The following WDR43 variants were observed in gnomAD, a reference collection of about 807,000 sequenced individuals.
The protein encoded by WDR43 is WD repeat domain 43, also known as WD repeat-containing protein 43.
In WDR43, 13 loss-of-function variants were observed where a neutral mutation model predicts 91.4. The ratio of observed to expected loss-of-function variants is 0.14; its 90% CI spans 0.09 to 0.23. The LOEUF (loss-of-function observed/expected upper bound fraction) is 0.23. Ranked by LOEUF, WDR43 falls within the 10% of genes least tolerant of loss-of-function variation. The pLI is 1.00. For missense variants in WDR43, 780 were observed against 809.4 expected (o/e 0.96, Z 0.44); for synonymous variants, 331 against 287.9 (o/e 1.15, Z -1.51).
rs116727648 is a variant in WDR43 at position 28,925,517 on chromosome 2, A to G, written c.1086+364A>G. On this transcript the variant is annotated intron_variant, in intron 8 of 17. Transcript: ENST00000407426. Reference sequence around the variant, plus strand: ...TAGTTGGTCAGTACAGGTATGACTTATGTTGAATTTTGCCTAGTTACGAAG... The same window carrying G: ...TAGTTGGTCAGTACAGGTATGACTTGTGTTGAATTTTGCCTAGTTACGAAG... 5.8e-4 allele frequency among the ~76,000 whole-genome samples: 89 copies of G among 152,320 alleles called. 2 individuals carry two copies. Among genetic ancestry groups the G allele is most frequent in the African/African-American group, 2.1e-3 (86 of 41,578 alleles).
chr2:28,895,671 T>G (rs1670466341), intron 1 of WDR43: 1 of 152,136 alleles, frequency 6.6e-6, no homozygotes, highest in East Asian at 1.9e-4. Context: ...GCAGATGAAA[T>G]TACCCTTAGA....
chr2:28,942,371 G>T lies in WDR43; in HGVS notation c.1794G>T (p.Val598=), dbSNP rs376295264. 36 of 1,613,290 alleles carry T rather than the reference G, an allele frequency of 2.2e-5. No homozygotes were observed. In the African/African-American group the frequency reaches 4.8e-4, roughly 22 times the overall value. ...ATSPGQKAKL[V]YEEESSEEES... ...CCCCTGGACAGAAGGCAAAGTTGGTGTATGAAGAAGGTAAAGACTGGGGGA... is the reference window on the plus strand; with the variant it reads ...CCCCTGGACAGAAGGCAAAGTTGGTTTATGAAGAAGGTAAAGACTGGGGGA... Residue 598 remains valine (V), a synonymous_variant, in exon 16 of 18, where the codon GTG becomes GTT. Coordinates refer to ENST00000407426, the MANE Select transcript of WDR43 (RefSeq NM_015131.3).
intron 1 of WDR43, among the ~76,000 whole-genome samples, chr2:28,898,153 C>T (rs953830052): frequency 6.6e-6 from 1 of 152,234 alleles, no homozygotes; most frequent in African/African-American, 2.4e-5. Context: ...GCTTTTCCTT[C>T]TCTAACAGAC....
At chr2:28,895,851 G>A (rs1330075141) in intron 1 of WDR43, 2 of 152,132 alleles carry the variant, frequency 1.3e-5, no homozygotes, top group Non-Finnish European at 2.9e-5. Context: ...GGAAACATCA[G>A]GTATCCTGAG....
intron 16 of WDR43, among the ~76,000 whole-genome samples, chr2:28,943,650 A>C (rs968254563): frequency 3.3e-5 from 5 of 152,186 alleles, no homozygotes; most frequent in African/African-American, 7.2e-5. Flanking sequence ...AAAAACCCGT[A>C]GTTCTGTGGA....
chr2:28,918,209 C>T (rs1397133758), intron 6 of WDR43, among the ~76,000 whole-genome samples: 1 of 152,004 alleles, frequency 6.6e-6, no homozygotes, highest in Non-Finnish European at 1.5e-5. Context: ...GTAGTAAATT[C>T]AGGAATTCAT....
At chr2:28,925,333 C>CA (rs1326338530) in intron 8 of WDR43, among the ~76,000 whole-genome samples, 180 bp downstream of exon 8, 1 of 150,978 alleles carries the variant, frequency 6.6e-6, no homozygotes, top group East Asian at 2.0e-4. Context: ...CATAATTTAA[C>CA]ACCTGGTCAG....
intron 8 of WDR43, among the ~76,000 whole-genome samples, chr2:28,926,138 C>G (rs1021717780): frequency 6.6e-6 from 1 of 152,132 alleles, no homozygotes; most frequent in African/African-American, 2.4e-5. Flanking sequence ...GGATGATGAA[C>G]TGATACGTTT....
At chr2:28,942,413 A>G (rs1276573414) in intron 16 of WDR43, 32 bp downstream of exon 16, 1 of 1,600,908 alleles carries the variant, frequency 6.2e-7, no homozygotes, top group Admixed American at 1.7e-5. Context: ...TGGAGTCTAG[A>G]ATTATAACAT....
At chr2:28,904,819 T>C (rs1670647547) in intron 2 of WDR43, among the ~76,000 whole-genome samples, 1 of 152,256 alleles carries the variant, frequency 6.6e-6, no homozygotes, top group Admixed American at 6.5e-5. Flanking sequence ...GCTTTAGTAA[T>C]TTTGAGTAAT....
At chr2:28,937,884 T>C in intron 13 of WDR43, 47 bp from the exon 14 acceptor site, 1 of 1,593,644 alleles carries the variant, frequency 6.3e-7, no homozygotes, top group Admixed American at 1.7e-5. Context: ...CAGTTGAATT[T>C]ACTTTTGAAT....
chr2:28,897,750 G>C (rs953736909), intron 1 of WDR43, among the ~76,000 whole-genome samples: 2 of 152,166 alleles, frequency 1.3e-5, no homozygotes, highest in Non-Finnish European at 2.9e-5. Context: ...CTTGGGTAAC[G>C]GGTTAAGTTT....
intron 2 of WDR43, among the ~76,000 whole-genome samples, chr2:28,904,101 G>A (rs998345540): frequency 1.6e-4 from 24 of 152,222 alleles, no homozygotes; most frequent in Non-Finnish European, 2.2e-4. Flanking sequence ...ACCATACCCA[G>A]CCTAGAACTC....
chr2:28,930,220 A>G (rs1044674646), intron 11 of WDR43: 4 of 398,452 alleles, frequency 1.0e-5, no homozygotes, highest in African/African-American at 8.4e-5. Context: ...TAAAAGTACT[A>G]GAAACTTTGT....
Position 28,946,610 on chromosome 2 carries a change from A to C in WDR43, c.1865A>C (p.Asp622Ala). The change falls in exon 18 of 18, where the codon GAT becomes GCT. Residue 622 changes from aspartate to alanine, a missense_variant. Around this residue, in one of 4 missense-constraint regions of WDR43, gnomAD observed 426 missense variants for 467.8 expected, o/e 0.91. Transcript: ENST00000407426. ...IADKDSEDNWDEDEEESESEK... is the reference protein window; with the variant it reads ...IADKDSEDNWAEDEEESESEK... ...TGGTATTTCGACTAGGATAATTGGG[A>C]TGAAGATGAGGAGGAGAGTGAAAGT... 5 of 1,558,920 alleles carry C rather than the reference A, an allele frequency of 3.2e-6. No individual in the cohort carries two copies. Among genetic ancestry groups the C allele is most frequent in the Non-Finnish European group, 4.3e-6 (5 of 1,150,576 alleles).
intron 1 of WDR43, chr2:28,895,246 C>T (rs905936829): frequency 6.1e-5 from 16 of 263,744 alleles, no homozygotes; most frequent in African/African-American, 2.7e-4. Flanking sequence ...CTTCCTTCTG[C>T]CGGGCCTTGG....
intron 1 of WDR43, among the ~76,000 whole-genome samples, chr2:28,901,247 G>A (rs1670573755): frequency 6.6e-6 from 1 of 152,228 alleles, no homozygotes; most frequent in African/African-American, 2.4e-5. Context: ...ATTATAAACT[G>A]ATGTAGTGCT....
At position 28,912,813 on chromosome 2, in the gene WDR43, C is replaced by A. The variant is rs1670828745; in HGVS notation, c.606+103C>A. ...TATTATTTTAAGAATACAAATTCTT[C>A]ATTGTCAGGTACATCAAATAGTTTA... On this transcript the variant is annotated intron_variant, in intron 4 of 17. Transcript: ENST00000407426. 5.6e-6 allele frequency: 8 copies of A among 1,426,826 alleles called. No individual in the cohort carries two copies. In the South Asian group the frequency reaches 1.2e-4, roughly 21 times the overall value. 88.4% of individuals were successfully genotyped at this position (1,426,826 alleles called of 1,614,324 possible). A position where few individuals can be genotyped will look rare whatever the true frequency, so the allele number is the denominator to read the frequency against.
At position 28,894,863 on chromosome 2, in the gene WDR43, C is replaced by T. The variant is rs1163344348; in HGVS notation, c.165C>T (p.Ser55=). The T allele has an allele frequency of 1.9e-6, 3 of 1,610,198 alleles. No individual in the cohort carries two copies. Among genetic ancestry groups the T allele is most frequent in the Middle Eastern group, 3.3e-4 (2 of 6,056 alleles). ...GGCTGCACCAGGAGTACGTGCCTTC[C>T]GCGCACCTCAGTGGTACCTGCACCT... is the stretch of plus-strand genomic sequence containing the variant. ...NNRLHQEYVP[S]AHLSGTCTCL... is the part of the protein sequence containing the mutation. Residue 55 remains serine, a synonymous_variant, in exon 1 of 18, where the codon TCC becomes TCT. Coordinates refer to ENST00000407426, the MANE Select transcript of WDR43 (RefSeq NM_015131.3).
Sources: gnomAD v4.1 joint callset for allele counts (sites outside exome capture counted in the v4.1 genomes callset) on GRCh38, gnomAD v4.1.1 for gene constraint, gnomAD v4.1.1 regional missense constraint, MANE v1.5 for transcripts, NCBI Gene and HGNC (gene_info 2026-07-23, HGNC 2026-07-21) for gene names.